ERO1A: variants seen among roughly 807,000 people sequenced by gnomAD.
The protein encoded by ERO1A is endoplasmic reticulum oxidoreductase 1 alpha.
Under a neutral mutation model 76.9 loss-of-function variants are expected in ERO1A, and 49 were observed. That is an observed-to-expected ratio of 0.64 (90% CI 0.51 to 0.81). ERO1A has a LOEUF of 0.81. ERO1A is among the 30% of genes least tolerant of loss of function. ERO1A has a pLI of 0.00. For synonymous variants in ERO1A, 174 were observed against 181.2 expected, an observed-to-expected ratio of 0.96 and a Z score of 0.32; for missense variants, 448 against 542.1, an observed-to-expected ratio of 0.83 and a Z score of 1.72.
At chr14:52,655,594 A>G (rs2040016919) in intron 11 of ERO1A, among the ~76,000 whole-genome samples, 1 of 152,064 alleles carries the variant, frequency 6.6e-6, no homozygotes, top group African/African-American at 2.4e-5. Flanking sequence ...ATCTGGAATA[A>G]TATTTCTTTT....
intron 12 of ERO1A, among the ~76,000 whole-genome samples, 172 bp downstream of exon 12, chr14:52,652,897 A>G (rs537869851): frequency 3.6e-4 from 55 of 152,030 alleles, no homozygotes; most frequent in Non-Finnish European, 6.8e-4. Context: ...TCTTGGGCTG[A>G]GATGGGAGGA....
At position 52,684,118 on chromosome 14, in the gene ERO1A, G is replaced by GACACACACACACACACAC. The variant is rs60355765; in HGVS notation, c.115-229_115-212dup. On this transcript the variant is annotated intron_variant, in intron 1 of 15. Coordinates refer to ENST00000395686, the MANE Select transcript of ERO1A (RefSeq NM_014584.3). ...GGAATGGAAGGTGTGCAGAGCTCAT[G>GACACACACACACACACAC]ACACACACACACACACACACACACA... 3.0e-3 allele frequency among the ~76,000 whole-genome samples: 407 copies of GACACACACACACACACAC among 134,580 alleles called. 3 individuals carry two copies. The highest frequency in any genetic ancestry group is 7.3e-3 in the African/African-American group (274 of 37,296). The allele number at this position is 134,580 out of a possible 152,430, so 88.3% of individuals were successfully genotyped here. A position where few individuals can be genotyped will look rare whatever the true frequency, so the allele number is the denominator to read the frequency against.
In ERO1A at chr14:52,652,189, G is replaced by A. The variant is rs555686175; in HGVS notation, c.1125+50C>T. On this transcript the variant is annotated intron_variant, in intron 13 of 15. Transcript: ENST00000395686. ...CTATGAGTACTATATATTCATATCT[G>A]CATAAGTGTTAATCAGTTTGTATCT... 1.4e-5 allele frequency: 16 copies of A among 1,125,048 alleles called. 1 individual carries two copies. Among genetic ancestry groups the A allele is most frequent in the Middle Eastern group, 2.0e-4 (1 of 4,982 alleles). 69.7% of individuals were successfully genotyped at this position (1,125,048 alleles called of 1,614,324 possible).
intron 9 of ERO1A, among the ~76,000 whole-genome samples, chr14:52,660,079 C>T (rs1347531858): frequency 6.6e-6 from 1 of 152,156 alleles, no homozygotes; most frequent in South Asian, 2.1e-4. Context: ...AGTGACCAGC[C>T]AGCCCTGGCC....
At chr14:52,655,980 A>G (rs115665691) in intron 11 of ERO1A, among the ~76,000 whole-genome samples, 185 of 152,332 alleles carry the variant, frequency 1.2e-3, no homozygotes, top group African/African-American at 4.3e-3. Flanking sequence ...TACGCCACAT[A>G]GTTAACATTT....
At chr14:52,678,345 C>G (rs1018268906) in intron 4 of ERO1A, 89 bp downstream of exon 4, 3 of 949,282 alleles carry the variant, frequency 3.2e-6, no homozygotes, top group Non-Finnish European at 3.3e-6. Context: ...CCACTGGAAG[C>G]AGATAAATGG....
At chr14:52,684,512 A>C (rs2041116231) in intron 1 of ERO1A, among the ~76,000 whole-genome samples, 2 of 152,142 alleles carry the variant, frequency 1.3e-5, no homozygotes, top group South Asian at 4.2e-4. Context: ...TCCCACTTCC[A>C]CTGTCCTTCC....
At chr14:52,668,989 T>C (rs529446843) in intron 6 of ERO1A, among the ~76,000 whole-genome samples, 3 of 152,114 alleles carry the variant, frequency 2.0e-5, no homozygotes, top group Non-Finnish European at 4.4e-5. Context: ...TATAGGAAAA[T>C]GCCAATATCC....
intron 4 of ERO1A, 131 bp downstream of exon 4, chr14:52,678,303 C>A: frequency 1.8e-6 from 1 of 561,450 alleles, no homozygotes. Flanking sequence ...GAAAGAGAGC[C>A]ATTCAGCATA....
intron 9 of ERO1A, among the ~76,000 whole-genome samples, chr14:52,659,579 G>A (rs1228692718): frequency 6.6e-6 from 1 of 152,078 alleles, no homozygotes; most frequent in Non-Finnish European, 1.5e-5. Context: ...CCTAGGATTG[G>A]TGAAAGAATT....
chr14:52,656,193 A>G (rs560427975), intron 11 of ERO1A, among the ~76,000 whole-genome samples: 8 of 152,302 alleles, frequency 5.3e-5, no homozygotes, highest in Non-Finnish European at 1.2e-4. Context: ...CTCTACTTCA[A>G]TAAGATTAAG....
chr14:52,695,377 G>A lies in ERO1A; in HGVS notation c.105C>T (p.Cys35=), dbSNP rs1325343964. 6.8e-7 allele frequency: 1 copy of A among 1,480,008 alleles called. No homozygotes were observed. Among genetic ancestry groups the A allele is most frequent in the South Asian group, 1.3e-5 (1 of 76,708 alleles). 91.7% of individuals were successfully genotyped at this position (1,480,008 alleles called of 1,614,324 possible). Residue 35 remains cysteine (C), a synonymous_variant, in exon 1 of 16, where the codon TGC becomes TGT. Transcript: ENST00000395686. ...CGCGCACATCGCTCACCTGGCAGAA[G>A]CACCTCTGTGCCGCTGTCTCCGGGG... The part of the protein sequence containing the change: ...EQPPETAAQR[C]FCQVSGYLDD...
intron 1 of ERO1A, among the ~76,000 whole-genome samples, chr14:52,687,847 G>A (rs1293336436): frequency 6.6e-6 from 1 of 152,152 alleles, no homozygotes; most frequent in Non-Finnish European, 1.5e-5. Context: ...ACAGTAAATA[G>A]GAGGACCAAG....
chr14:52,680,513 T>C (rs1221695059), intron 3 of ERO1A, among the ~76,000 whole-genome samples: 1 of 152,190 alleles, frequency 6.6e-6, no homozygotes, highest in Non-Finnish European at 1.5e-5. Context: ...TGTAAAGTAT[T>C]TGTATTTTCT....
chr14:52,690,264 G>GT (rs1307627214), intron 1 of ERO1A, among the ~76,000 whole-genome samples: 1 of 151,952 alleles, frequency 6.6e-6, no homozygotes, highest in Non-Finnish European at 1.5e-5. Flanking sequence ...GCAAAAATAA[G>GT]TAAGTGGGAC....
intron 1 of ERO1A, among the ~76,000 whole-genome samples, chr14:52,686,640 G>A (rs1028408095): frequency 6.6e-6 from 1 of 152,186 alleles, no homozygotes; most frequent in Non-Finnish European, 1.5e-5. Flanking sequence ...CACTTTGGGT[G>A]GCCGAGGCAG....
chr14:52,690,608 G>A (rs2041322962), intron 1 of ERO1A, among the ~76,000 whole-genome samples: 1 of 152,018 alleles, frequency 6.6e-6, no homozygotes, highest in Non-Finnish European at 1.5e-5. Context: ...GGCTGAGGCA[G>A]GAGAATCACT....
At chr14:52,680,670 C>T (rs770048335) in intron 3 of ERO1A, among the ~76,000 whole-genome samples, 33 of 152,204 alleles carry the variant, frequency 2.2e-4, no homozygotes, top group Middle Eastern at 6.8e-3. Flanking sequence ...AAATTACAAA[C>T]GCAAAACTTA....
chr14:52,653,026 T>C, intron 12 of ERO1A, 43 bp downstream of exon 12: 1 of 1,353,362 alleles, frequency 7.4e-7, no homozygotes, highest in South Asian at 1.3e-5. Context: ...GTACATTAAT[T>C]GTCACTCTTC....
Sources: allele counts gnomAD v4.1 joint callset (sites outside exome capture counted in the v4.1 genomes callset), GRCh38; gene constraint gnomAD v4.1.1; transcripts MANE v1.5; gene names NCBI Gene and HGNC (gene_info 2026-07-23, HGNC 2026-07-21).